FAT3: variants seen among roughly 807,000 people sequenced by gnomAD.
FAT3 encodes the protein FAT atypical cadherin 3, also known as protocadherin Fat 3.
In FAT3, 95 loss-of-function variants were observed where a neutral mutation model predicts 310.2. That is an observed-to-expected ratio of 0.31 (90% CI 0.26 to 0.36). FAT3 has a LOEUF of 0.36. FAT3 is among the 10% of genes least tolerant of loss of function. The pLI is 1.00. For synonymous variants in FAT3, 2,314 were observed against 2,192.9 expected (o/e 1.06, Z -1.54); for missense variants, 5,408 against 5,715.6 (o/e 0.95, Z 1.74).
intron 6 of FAT3, among the ~76,000 whole-genome samples, chr11:92,773,685 A>G (rs1426174203): frequency 1.3e-5 from 2 of 152,174 alleles, no homozygotes; most frequent in African/African-American, 2.4e-5. Flanking sequence ...CTACTTTGGA[A>G]AAAACAAAAA....
chr11:92,743,977 G>T (rs1367561561), intron 4 of FAT3, among the ~76,000 whole-genome samples: 1 of 152,126 alleles, frequency 6.6e-6, no homozygotes, highest in Non-Finnish European at 1.5e-5. Context: ...GGACTTCTCA[G>T]CCTCTATAAC....
intron 2 of FAT3, among the ~76,000 whole-genome samples, chr11:92,382,978 G>T (rs530851921): frequency 6.6e-6 from 1 of 152,254 alleles, no homozygotes; most frequent in South Asian, 2.1e-4. Context: ...TCTTCCCGAT[G>T]CTCTCCCTAC....
rs145900689 is a variant in FAT3 at position 92,878,634 on chromosome 11, T to TAAAAAAAAAAAAA, written c.12128-2076_12128-2064dup. On this transcript the variant is annotated intron_variant, in intron 22 of 27. Coordinates refer to ENST00000525166, the MANE Select transcript of FAT3 (RefSeq NM_001367949.2). Reference sequence around the variant, plus strand: ...AACACAGGAGCAGGATGTTATGTGTTAAAAAAAAAAAAAAAAAAAAAAAAA... The same window carrying TAAAAAAAAAAAAA: ...AACACAGGAGCAGGATGTTATGTGTTAAAAAAAAAAAAAAAAAAAAAAAAAAAAAAAAAAAAAA... 4.7e-4 allele frequency among the ~76,000 whole-genome samples: 10 copies of TAAAAAAAAAAAAA among 21,208 alleles called. 1 individual carries two copies. The highest frequency in any genetic ancestry group is 9.9e-4 in the African/African-American group (7 of 7,066). 13.9% of individuals were successfully genotyped at this position (21,208 alleles called of 152,430 possible). A position where few individuals can be genotyped will look rare whatever the true frequency, so the allele number is the denominator to read the frequency against.
Position 92,393,959 on chromosome 11 carries a change from C to T in FAT3, c.3292+38555C>T, listed in dbSNP as rs59714713. ...TTGCTTTCTAATTGTTACAGATGTA[C>T]GTGTTCTATTATCTATCCCTCTTTT... On this transcript the variant is annotated intron_variant, in intron 2 of 27. Transcript: ENST00000525166. Among the ~76,000 whole-genome samples the T allele has an allele frequency of 8.8e-3, 1,341 of 152,140 alleles. 14 individuals are homozygous for T. Among genetic ancestry groups the T allele is most frequent in the African/African-American group, 0.031 (1,290 of 41,500 alleles).
In FAT3 at chr11:92,799,670, A is replaced by G. The variant is rs1464511720; in HGVS notation, c.6657A>G (p.Ile2219Met). The change falls in exon 10 of 28, where the codon ATA (isoleucine) becomes ATG (methionine). Residue 2219 changes from isoleucine (I) to methionine (M), a missense_variant. Around this residue, in one of 5 missense-constraint regions of FAT3, gnomAD observed 4,588 missense variants for 4,809.8 expected, o/e 0.95. Coordinates refer to ENST00000525166, the MANE Select transcript of FAT3 (RefSeq NM_001367949.2). ...NATSPEGQGI[I>M]YIIIDGDPFK... ...CCAGTCCAGAAGGCCAAGGCATCAT[A>G]TATATCATTATCGATGGGGACCCTT... 2.5e-6 allele frequency: 4 copies of G among 1,613,562 alleles called. No homozygotes were observed. Among genetic ancestry groups the G allele is most frequent in the Non-Finnish European group, 3.4e-6 (4 of 1,179,766 alleles).
intron 2 of FAT3, among the ~76,000 whole-genome samples, chr11:92,428,174 A>G (rs1446835388): frequency 1.3e-5 from 2 of 151,920 alleles, no homozygotes; most frequent in East Asian, 3.9e-4. Flanking sequence ...AAGTGTTTAT[A>G]GTATTCTCGG....
rs199580154 is a variant in FAT3, at chr11:92,355,143, C to T, written c.3031C>T (p.Arg1011Trp). 80 of 1,613,728 alleles carry T rather than the reference C, an allele frequency of 5.0e-5. No individual in the cohort carries two copies. Among genetic ancestry groups the T allele is most frequent in the Admixed American group, 2.0e-4 (12 of 59,912 alleles). ...ACAGCAGTTCTATAACCTTACTGTG[C>T]GGGCCAAAGACAAAGGGCGGCCTGT... Reference protein sequence around the residue: ...EKQQFYNLTVRAKDKGRPVSL... With the variant: ...EKQQFYNLTVWAKDKGRPVSL... Residue 1011 changes from arginine to tryptophan, a missense_variant, in exon 2 of 28, where the codon CGG becomes TGG. Physicochemically the swap from Arg to Trp is moderately radical, Grantham distance 101. This residue lies in a region of FAT3 where 4,588 missense variants were observed against 4,809.8 expected (regional missense o/e 0.95). Coordinates refer to ENST00000525166, the MANE Select transcript of FAT3 (RefSeq NM_001367949.2).
intron 1 of FAT3, among the ~76,000 whole-genome samples, chr11:92,346,751 C>A (rs1249067798): frequency 6.6e-6 from 1 of 152,182 alleles, no homozygotes; most frequent in African/African-American, 2.4e-5. Flanking sequence ...GTCACCCAGC[C>A]ACTAGATGGC....
chr11:92,758,078 G>T lies in FAT3; in HGVS notation c.3670-3778G>T, dbSNP rs531443910. Among the ~76,000 whole-genome samples the T allele has an allele frequency of 1.6e-4, 25 of 152,296 alleles. No homozygotes were observed. In the South Asian group the frequency reaches 4.6e-3, roughly 28 times the overall value. On this transcript the variant is annotated intron_variant, in intron 4 of 27. Coordinates refer to ENST00000525166, the MANE Select transcript of FAT3 (RefSeq NM_001367949.2). ...GTTAATTTTCATACAGAGACCCTCA[G>T]TGTCTGAATGTTCTTTTCACTTATT... is the stretch of plus-strand genomic sequence containing the variant.
intron 4 of FAT3, among the ~76,000 whole-genome samples, chr11:92,707,165 T>A (rs1057339819): frequency 2.0e-5 from 3 of 152,238 alleles, no homozygotes; most frequent in Admixed American, 2.0e-4. Context: ...TGTTTCTCCT[T>A]AAACCTGAAC....
At chr11:92,615,554 T>C (rs1940762968) in intron 3 of FAT3, among the ~76,000 whole-genome samples, 1 of 152,172 alleles carries the variant, frequency 6.6e-6, no homozygotes, top group East Asian at 1.9e-4. Flanking sequence ...ACCTAGTTCT[T>C]TTAGTTATGA....
At chr11:92,344,249 C>G (rs1452405985) in intron 1 of FAT3, among the ~76,000 whole-genome samples, 1 of 152,146 alleles carries the variant, frequency 6.6e-6, no homozygotes, top group Non-Finnish European at 1.5e-5. Flanking sequence ...CAAAAATAAA[C>G]CATTCATAAG....
chr11:92,279,519 A>C (rs956356163), intron 1 of FAT3, among the ~76,000 whole-genome samples: 1 of 152,198 alleles, frequency 6.6e-6, no homozygotes, highest in Non-Finnish European at 1.5e-5. Context: ...GTGTGAGTGC[A>C]TGTGCACACA....
intron 3 of FAT3, among the ~76,000 whole-genome samples, chr11:92,544,866 GTT>G (rs1294642953): frequency 6.6e-6 from 1 of 152,178 alleles, no homozygotes; most frequent in Non-Finnish European, 1.5e-5. Context: ...GCTCTAACAG[GTT>G]TTGAGACTTA....
At chr11:92,885,310 C>T (rs546828911) in intron 24 of FAT3, among the ~76,000 whole-genome samples, 6 of 152,226 alleles carry the variant, frequency 3.9e-5, no homozygotes, top group South Asian at 4.1e-4. Context: ...CATCATTCCA[C>T]GGAGGAAAAA....
intron 1 of FAT3, among the ~76,000 whole-genome samples, chr11:92,274,601 A>T (rs1591039486): frequency 6.6e-6 from 1 of 152,130 alleles, no homozygotes; most frequent in African/African-American, 2.4e-5. Context: ...TCTAGAAAAC[A>T]TCTTGGCCGA....
chr11:92,233,163 A>G (rs764324572), intron 1 of FAT3, among the ~76,000 whole-genome samples: 13 of 152,204 alleles, frequency 8.5e-5, no homozygotes, highest in Non-Finnish European at 1.3e-4. Flanking sequence ...AGGGAGAAAC[A>G]TGGTTCAGTT....
intron 4 of FAT3, among the ~76,000 whole-genome samples, chr11:92,713,911 A>G (rs1319353595): frequency 6.6e-6 from 1 of 152,172 alleles, no homozygotes; most frequent in Non-Finnish European, 1.5e-5. Context: ...TCTTATGGTA[A>G]TTTTGAAATT....
chr11:92,688,260 GTCCTTTGCTGGAAGGAT>G (rs1943692671), intron 3 of FAT3, among the ~76,000 whole-genome samples: 1 of 152,062 alleles, frequency 6.6e-6, no homozygotes, highest in African/African-American at 2.4e-5. Context: ...ACATAGTTTA[GTCCTTTGCTGGAAGGAT>G]TCGGATCAGA....
Sources: allele counts gnomAD v4.1 joint callset (sites outside exome capture counted in the v4.1 genomes callset), GRCh38; gene constraint gnomAD v4.1.1; regional missense constraint gnomAD v4.1.1; transcripts MANE v1.5; gene names NCBI Gene and HGNC (gene_info 2026-07-23, HGNC 2026-07-21).